RYR2: variants seen among roughly 807,000 people sequenced by gnomAD.
RYR2 encodes the protein ryanodine receptor 2.
In RYR2, 227 loss-of-function variants were observed where a neutral mutation model predicts 601.1. The ratio of observed to expected loss-of-function variants is 0.38; its 90% CI spans 0.34 to 0.42. The LOEUF (loss-of-function observed/expected upper bound fraction) is 0.42. RYR2 is among the 10% of genes least tolerant of loss of function. RYR2 has a pLI of 1.00. For missense variants in RYR2, 4,646 were observed against 6,156.5 expected, an observed-to-expected ratio of 0.75 and a Z score of 8.21; for synonymous variants, 2,223 against 2,175.1, an observed-to-expected ratio of 1.02 and a Z score of -0.61.
At chr1:237,256,994 A>G (rs10802595) in intron 1 of RYR2, among the ~76,000 whole-genome samples, 39,218 of 151,906 alleles carry the variant, frequency 0.26, 5,325 homozygotes, top group East Asian at 0.55. Flanking sequence ...TTTTCTGTAA[A>G]TTTGTTTTTC....
rs187948100 is a variant in RYR2 at position 237,183,533 on chromosome 1, A to G, written c.49-86964A>G. 1.2e-3 allele frequency among the ~76,000 whole-genome samples: 181 copies of G among 152,330 alleles called. 2 individuals carry two copies. The highest frequency in any genetic ancestry group is 4.2e-3 in the African/African-American group (175 of 41,578). On this transcript the variant is annotated intron_variant, in intron 1 of 104. Transcript: ENST00000366574. ...ACGGGCATGGAACCACTGAGCACCT[A>G]ATGAAGGAAAGAGTATTGAAATGGT... is the stretch of plus-strand genomic sequence containing the variant.
chr1:237,827,292 G>C (rs544981278), intron 101 of RYR2, among the ~76,000 whole-genome samples: 1 of 152,250 alleles, frequency 6.6e-6, no homozygotes, highest in South Asian at 2.1e-4. Context: ...GTTTCTGATT[G>C]TCACAGTCAA....
At position 237,590,662 on chromosome 1, in the gene RYR2, T is replaced by C. The variant is rs1675052546; in HGVS notation, c.3830T>C (p.Ile1277Thr). The C allele has an allele frequency of 6.4e-7, 1 of 1,555,196 alleles. No individual in the cohort carries two copies. The highest frequency in any genetic ancestry group is 8.7e-7 in the Non-Finnish European group (1 of 1,150,552). ...HIEVTRIDGT[I>T]DSSPCLKVTQ... ...TAGGTGACCAGAATAGACGGCACCA[T>C]AGACAGTTCCCCATGTTTAAAGGTC... The change falls in exon 31 of 105, where the codon ATA becomes ACA. Residue 1277 changes from isoleucine to threonine, a missense_variant. Ile to Thr is a moderately conservative substitution (Grantham distance 89, BLOSUM62 -1). This residue lies in a region of RYR2 where 1,807 missense variants were observed against 2,088.1 expected (regional missense o/e 0.87). Transcript: ENST00000366574.
intron 35 of RYR2, among the ~76,000 whole-genome samples, 162 bp downstream of exon 35, chr1:237,602,273 G>T (rs1194150663): frequency 1.3e-5 from 2 of 151,980 alleles, no homozygotes; most frequent in African/African-American, 4.8e-5. Context: ...CAGGTCACAA[G>T]GGTAACAAAA....
chr1:237,510,189 G>A (rs1240242630), intron 23 of RYR2, among the ~76,000 whole-genome samples: 1 of 152,190 alleles, frequency 6.6e-6, no homozygotes, highest in African/African-American at 2.4e-5. Flanking sequence ...CCTCAGGTGA[G>A]AGGCGACTCA....
intron 25 of RYR2, among the ~76,000 whole-genome samples, chr1:237,544,153 A>G (rs1669568101): frequency 6.6e-6 from 1 of 152,204 alleles, no homozygotes; most frequent in African/African-American, 2.4e-5. Flanking sequence ...AGAGCTAATA[A>G]CTATAAAAGT....
chr1:237,723,804 T>C (rs1689952187), intron 74 of RYR2, among the ~76,000 whole-genome samples: 1 of 152,000 alleles, frequency 6.6e-6, no homozygotes, highest in African/African-American at 2.4e-5. Flanking sequence ...GTAAGAAAAG[T>C]GTTTTTATAT....
chr1:237,047,166 A>G (rs529898672), intron 1 of RYR2, among the ~76,000 whole-genome samples: 16 of 152,338 alleles, frequency 1.1e-4, no homozygotes, highest in Non-Finnish European at 2.2e-4. Flanking sequence ...AAGAATTTCC[A>G]GAAAGGAGGT....
chr1:237,666,291 T>A (rs1240782193), intron 56 of RYR2, among the ~76,000 whole-genome samples: 1 of 152,256 alleles, frequency 6.6e-6, no homozygotes, highest in East Asian at 1.9e-4. Flanking sequence ...CAAATTCCGA[T>A]AGGCAATTTT....
intron 10 of RYR2, among the ~76,000 whole-genome samples, chr1:237,402,454 C>CAA (rs1177690102): frequency 6.6e-6 from 1 of 150,542 alleles, no homozygotes; most frequent in East Asian, 1.9e-4. Context: ...AAAGATGCAA[C>CAA]AATTTAGTAG....
At chr1:237,352,441 A>G (rs1011330311) in intron 3 of RYR2, among the ~76,000 whole-genome samples, 3 of 152,114 alleles carry the variant, frequency 2.0e-5, no homozygotes, top group Admixed American at 6.6e-5. Context: ...TGAGAAAAAT[A>G]AAGATGACCT....
At chr1:237,759,877 G>A (rs759002510) in intron 83 of RYR2, 25 bp downstream of exon 83, 6 of 1,487,392 alleles carry the variant, frequency 4.0e-6, no homozygotes, top group Non-Finnish European at 5.6e-6. Flanking sequence ...CCTTCTTGGG[G>A]GTTCTACTCA....
chr1:237,358,833 G>T (rs1385799287), intron 4 of RYR2, among the ~76,000 whole-genome samples: 1 of 152,016 alleles, frequency 6.6e-6, no homozygotes, highest in African/African-American at 2.4e-5. Flanking sequence ...CCCTTGCTAG[G>T]CTTGAAGTGA....
In RYR2 at chr1:237,627,977, G is replaced by A. The variant is rs186906598; in HGVS notation, c.6337G>A (p.Val2113Met). Residue 2113 changes from valine (V) to methionine (M), a missense_variant, in exon 41 of 105, where the codon GTG becomes ATG. By Grantham distance (21) the Val-to-Met change is conservative (BLOSUM62 1). Transcript: ENST00000366574. Reference protein sequence around the residue: ...PKTYTINGVSVEDTINLLASL... With the variant: ...PKTYTINGVSMEDTINLLASL... Reference sequence around the variant, plus strand: ...GACCTACACGATAAATGGTGTGTCCGTGGAGGACACCATCAACCTGCTGGC... The same window carrying A: ...GACCTACACGATAAATGGTGTGTCCATGGAGGACACCATCAACCTGCTGGC... The A allele has an allele frequency of 7.8e-4, 1,257 of 1,613,914 alleles. No individual in the cohort carries two copies. The highest frequency in any genetic ancestry group is 9.9e-4 in the Non-Finnish European group (1,165 of 1,179,880).
Position 237,795,824 on chromosome 1 carries a change from A to ATG in RYR2, c.13956+505_13956+506dup, listed in dbSNP as rs201347190. On this transcript the variant is annotated intron_variant, in intron 96 of 104. Transcript: ENST00000366574. ...CGCCTGTATGTATATACAGGTATGTATGTGTGTGTGTGTATATATATATAT... is the reference window on the plus strand; with the variant it reads ...CGCCTGTATGTATATACAGGTATGTATGTGTGTGTGTGTGTATATATATATAT... Among the ~76,000 whole-genome samples the ATG allele has an allele frequency of 0.012, 1,567 of 135,700 alleles. 77 individuals carry two copies. The East Asian group carries it at 0.17, about 14-fold the overall frequency. The allele number at this position is 135,700 out of a possible 152,430, so 89.0% of individuals were successfully genotyped here.
chr1:237,702,040 A>G lies in RYR2; in HGVS notation c.9430A>G (p.Lys3144Glu), dbSNP rs773754649. The change falls in exon 66 of 105, where the codon AAG becomes GAG. Residue 3144 changes from lysine to glutamate, a missense_variant. By Grantham distance (56) the Lys-to-Glu change is moderately conservative. Around this residue, in one of 17 missense-constraint regions of RYR2, gnomAD observed 1,497 missense variants for 1,842.6 expected, o/e 0.81. Transcript: ENST00000366574. ...LTSLYALGTS[K>E]SIYVERQRSA... Reference sequence around the variant, plus strand: ...TAGCTTATATGCTTTGGGAACCAGCAAGAGTATTTACGTGGAGAGGTAAGA... The same window carrying G: ...TAGCTTATATGCTTTGGGAACCAGCGAGAGTATTTACGTGGAGAGGTAAGA... 6.2e-7 allele frequency: 1 copy of G among 1,601,186 alleles called. No individual in the cohort carries two copies. The highest frequency in any genetic ancestry group is 1.1e-5 in the South Asian group (1 of 90,708).
chr1:237,395,531 G>GTTTTTTT (rs1330833544), intron 10 of RYR2, among the ~76,000 whole-genome samples: 16 of 98,972 alleles, frequency 1.6e-4, no homozygotes, highest in Admixed American at 2.6e-4. Flanking sequence ...TAGTAGGACT[G>GTTTTTTT]TCTTTTTTTT....
chr1:237,467,714 G>A (rs1212080986), intron 16 of RYR2, among the ~76,000 whole-genome samples: 1 of 152,120 alleles, frequency 6.6e-6, no homozygotes, highest in African/African-American at 2.4e-5. Context: ...TTTGGAAAGA[G>A]GAAACATGAA....
intron 1 of RYR2, among the ~76,000 whole-genome samples, chr1:237,155,535 G>A (rs1675231544): frequency 6.6e-6 from 1 of 152,128 alleles, no homozygotes; most frequent in South Asian, 2.1e-4. Context: ...GGAAAGGATA[G>A]ATGATTTGAT....
Sources: allele counts gnomAD v4.1 joint callset (sites outside exome capture counted in the v4.1 genomes callset), GRCh38; gene constraint gnomAD v4.1.1; regional missense constraint gnomAD v4.1.1; transcripts MANE v1.5; gene names NCBI Gene and HGNC (gene_info 2026-07-23, HGNC 2026-07-21).